Variants in LRP2 observed in about 807,000 individuals in gnomAD.
The protein encoded by LRP2 is low-density lipoprotein receptor-related protein 2.
In LRP2, 172 loss-of-function variants were observed where a neutral mutation model predicts 531.0. The ratio of observed to expected loss-of-function variants is 0.32; its 90% CI spans 0.29 to 0.37. The LOEUF is 0.37. Among genes scored for constraint, LRP2 ranks in the 10% least tolerant of loss-of-function variants. The probability of loss-of-function intolerance (pLI) is 1.00; values close to 1 mark genes in which losing one functional copy is unlikely to be tolerated. For missense variants in LRP2, 5,167 were observed against 5,868.3 expected (o/e 0.88, Z 3.90); for synonymous variants, 1,992 against 2,027.6 (o/e 0.98, Z 0.47).
intron 76 of LRP2, among the ~76,000 whole-genome samples, chr2:169,134,189 T>A (rs1000458951): frequency 2.2e-5 from 3 of 133,644 alleles, no homozygotes; most frequent in African/African-American, 4.9e-5. Flanking sequence ...CATGTCTGCG[T>A]GCAGCGGCTG....
rs113086989 is a variant in LRP2, at chr2:169,140,045, C to T, written c.13199+410G>A. Among the ~76,000 whole-genome samples, 114 of 152,346 alleles carry T rather than the reference C, an allele frequency of 7.5e-4. 1 individual carries two copies. The highest frequency in any genetic ancestry group is 2.1e-3 in the African/African-American group (88 of 41,574). ...TCCATCCCAGTCTTTCTGCTCATCA[C>T]GAGTGCCTTGTACTAAAGCAGCCCT... On this transcript the variant is annotated intron_variant, in intron 72 of 78. Coordinates refer to ENST00000649046, the MANE Select transcript of LRP2 (RefSeq NM_004525.3).
intron 66 of LRP2, among the ~76,000 whole-genome samples, chr2:169,154,253 C>G (rs547694973): frequency 6.6e-6 from 1 of 152,142 alleles, no homozygotes; most frequent in Non-Finnish European, 1.5e-5. Flanking sequence ...CCCCAGTGAT[C>G]GGAGGAGTTT....
In LRP2 at chr2:169,128,797, T is replaced by G. The variant is rs746807537; in HGVS notation, c.13834A>C (p.Thr4612Pro). ...GGGAGCGAAGGTGATGGAGGTGGTGTCGCAGCAACACTTTCCTTTTGCTCG... is the reference window on the plus strand; with the variant it reads ...GGGAGCGAAGGTGATGGAGGTGGTGGCGCAGCAACACTTTCCTTTTGCTCG... ...ENEQKESVAA[T>P]PPPSPSLPAK... The change falls in exon 79 of 79, where the codon ACA becomes CCA. Residue 4612 changes from threonine (T) to proline (P), a missense_variant. Physicochemically the swap from Thr to Pro is conservative, Grantham distance 38. Transcript: ENST00000649046. 9.9e-6 allele frequency: 16 copies of G among 1,614,106 alleles called. No individual in the cohort carries two copies. The South Asian group carries it at 1.8e-4, about 18-fold the overall frequency.
intron 71 of LRP2, 78 bp downstream of exon 71, chr2:169,142,596 T>A (rs951780577): frequency 1.9e-6 from 3 of 1,596,914 alleles, no homozygotes; most frequent in African/African-American, 1.3e-5. Flanking sequence ...GGACCCAGCA[T>A]ACAGGGATTC....
At chr2:169,129,182 G>T in intron 77 of LRP2, 98 bp from the exon 78 acceptor site, 1 of 899,312 alleles carries the variant, frequency 1.1e-6, no homozygotes, top group South Asian at 1.3e-5. Context: ...TCTTACTGAA[G>T]GGTAAAGCAA....
At position 169,128,439 on chromosome 2, in the gene LRP2, A is replaced by G. The variant is rs1301620568; in HGVS notation, c.*224T>C. 2.1e-6 allele frequency: 1 copy of G among 477,662 alleles called. No individual in the cohort carries two copies. Among genetic ancestry groups the G allele is most frequent in the Admixed American group, 3.5e-5 (1 of 28,782 alleles). The allele number at this position is 477,662 out of a possible 1,614,324, so 29.6% of individuals were successfully genotyped here. On this transcript the variant is annotated 3_prime_UTR_variant, in exon 79 of 79. Coordinates refer to ENST00000649046, the MANE Select transcript of LRP2 (RefSeq NM_004525.3). Reference sequence around the variant, plus strand: ...AATATATTTATAGTATTACCTTCAGACAACTTCAGTGCAAAGATATACATA... The same window carrying G: ...AATATATTTATAGTATTACCTTCAGGCAACTTCAGTGCAAAGATATACATA...
At chr2:169,149,118 T>C (rs1686031090) in intron 68 of LRP2, among the ~76,000 whole-genome samples, 3 of 152,270 alleles carry the variant, frequency 2.0e-5, no homozygotes. Context: ...GGTGTTATTT[T>C]ACCCATCTAT....
intron 1 of LRP2, among the ~76,000 whole-genome samples, chr2:169,362,082 A>G (rs1320605185): frequency 6.6e-6 from 1 of 152,226 alleles, no homozygotes; most frequent in African/African-American, 2.4e-5. Flanking sequence ...GTGCGCTGTC[A>G]CCGAAACTGG....
chr2:169,351,040 G>A (rs1233413133), intron 1 of LRP2, among the ~76,000 whole-genome samples: 1 of 152,180 alleles, frequency 6.6e-6, no homozygotes. Flanking sequence ...ACAAGCATGA[G>A]ATACCAAGGG....
At position 169,208,740 on chromosome 2, in the gene LRP2, A is replaced by T. The variant is rs151134008; in HGVS notation, c.6469+713T>A. On this transcript the variant is annotated intron_variant, in intron 38 of 78. Transcript: ENST00000649046. ...CTAAAGTGCTGGGATTACAGGCATG[A>T]GCCACTGCGCCCTGCCTACATGCTA... Among the ~76,000 whole-genome samples, 1,134 of 152,308 alleles carry T rather than the reference A, an allele frequency of 7.4e-3. 9 individuals carry two copies. The highest frequency in any genetic ancestry group is 0.026 in the African/African-American group (1,076 of 41,574).
chr2:169,309,725 A>G (rs909599138), intron 3 of LRP2, among the ~76,000 whole-genome samples: 8 of 152,256 alleles, frequency 5.3e-5, no homozygotes, highest in African/African-American at 1.9e-4. Context: ...TTGGTTCCAT[A>G]TGAACTTTAA....
intron 63 of LRP2, among the ~76,000 whole-genome samples, chr2:169,161,451 T>C (rs1271633138): frequency 6.6e-6 from 1 of 152,188 alleles, no homozygotes; most frequent in African/African-American, 2.4e-5. Flanking sequence ...AAGTGCTCCC[T>C]CTACTTTCTT....
chr2:169,348,925 C>T (rs1685769121), intron 1 of LRP2, among the ~76,000 whole-genome samples: 1 of 152,102 alleles, frequency 6.6e-6, no homozygotes, highest in Admixed American at 6.5e-5. Context: ...TTGACTGGGC[C>T]TCCAGGGGCC....
chr2:169,165,788 G>T, intron 62 of LRP2, 144 bp downstream of exon 62: 1 of 981,626 alleles, frequency 1.0e-6, no homozygotes, highest in Non-Finnish European at 1.6e-6. Flanking sequence ...TGTTTGCATG[G>T]TCTTGTAAAC....
At position 169,244,920 on chromosome 2, in the gene LRP2, GA is replaced by G. The variant is rs755189249; in HGVS notation, c.3202del (p.Ser1068HisfsTer118). ...QLCGTLNNTC[S>X]SSAFTCGHGE... ...ATGGCCACAGGTGAACGCCGAAGAT[GA>G]ACAGGTATTATCTACAATAGTAACA... On this transcript the variant is annotated frameshift_variant, in exon 22 of 79. Transcript: ENST00000649046. LOFTEE classifies it high-confidence loss of function. 7 of 1,614,202 alleles carry G rather than the reference GA, an allele frequency of 4.3e-6. No individual in the cohort carries two copies.
chr2:169,205,854 C>T (rs867958920), intron 40 of LRP2, among the ~76,000 whole-genome samples, 169 bp downstream of exon 40: 8 of 152,186 alleles, frequency 5.3e-5, no homozygotes, highest in Middle Eastern at 3.4e-3. Flanking sequence ...GGGAGCTATG[C>T]GCTGCACCCT....
intron 68 of LRP2, among the ~76,000 whole-genome samples, chr2:169,150,203 T>C (rs940349579): frequency 2.0e-5 from 3 of 152,232 alleles, no homozygotes; most frequent in Admixed American, 6.5e-5. Flanking sequence ...TACTGGCATA[T>C]CTACAGAGGG....
At position 169,277,878 on chromosome 2, in the gene LRP2, T is replaced by C. The variant is rs145094511; in HGVS notation, c.1639A>G (p.Asn547Asp). The C allele has an allele frequency of 3.0e-5, 48 of 1,614,178 alleles. No homozygotes were observed. The African/African-American group carries it at 5.7e-4, about 19-fold the overall frequency. The change falls in exon 13 of 79, where the codon AAC becomes GAC. Residue 547 changes from asparagine (N) to aspartate (D), a missense_variant. Asn to Asp is a conservative substitution (Grantham distance 23, BLOSUM62 1). Around this residue, in one of 6 missense-constraint regions of LRP2, gnomAD observed 2,811 missense variants for 3,058.0 expected, o/e 0.92. Coordinates refer to ENST00000649046, the MANE Select transcript of LRP2 (RefSeq NM_004525.3). ...TTTGTTTTCACCAAGTCTTTACGGT[T>C]GCTGCCATCCATGAATGCCCTTTCC... ...KLERAFMDGS[N>D]RKDLVKTKLG...
chr2:169,343,711 G>A (rs536673624), intron 1 of LRP2, among the ~76,000 whole-genome samples: 1 of 152,306 alleles, frequency 6.6e-6, no homozygotes, highest in African/African-American at 2.4e-5. Flanking sequence ...ACCAGAAAGG[G>A]TTTGGCCACA....
Sources: gnomAD v4.1 joint callset for allele counts (sites outside exome capture counted in the v4.1 genomes callset) on GRCh38, gnomAD v4.1.1 for gene constraint, gnomAD v4.1.1 regional missense constraint, MANE v1.5 for transcripts, NCBI Gene and HGNC (gene_info 2026-07-23, HGNC 2026-07-21) for gene names.